Variants in TRDN observed in about 807,000 individuals in gnomAD.
TRDN encodes the protein triadin in skeletal muscle.
A neutral mutation model predicts 149.7 loss-of-function variants in TRDN; 161 were observed. The ratio of observed to expected loss-of-function variants is 1.08; its 90% CI spans 0.95 to 1.23. TRDN has a LOEUF of 1.23. TRDN is among the 50% of genes most tolerant of loss of function. The probability of loss-of-function intolerance (pLI) is 0.00; values close to 1 mark genes in which losing one functional copy is unlikely to be tolerated. For missense variants in TRDN, 896 were observed against 823.5 expected (o/e 1.09, Z -1.08); for synonymous variants, 294 against 250.5 (o/e 1.17, Z -1.64).
intron 24 of TRDN, among the ~76,000 whole-genome samples, chr6:123,299,579 C>G (rs891187830): frequency 2.6e-5 from 4 of 152,020 alleles, no homozygotes; most frequent in African/African-American, 9.7e-5. Flanking sequence ...CAGGTGCCCA[C>G]AAGAGGCTTC....
At chr6:123,294,756 TG>T (rs1242688826) in intron 24 of TRDN, among the ~76,000 whole-genome samples, 2 of 152,116 alleles carry the variant, frequency 1.3e-5, no homozygotes, top group African/African-American at 2.4e-5. Flanking sequence ...ATCCCTGTTT[TG>T]GGGACCCCTG....
In TRDN at chr6:123,393,604, T is replaced by G; in HGVS notation, c.1105+20A>C. On this transcript the variant is annotated intron_variant, in intron 13 of 40. Transcript: ENST00000334268. ...ATGTTTAAAAAAAGGCAATGCTTTT[T>G]AAAGTGTTTTATTGCTTACCTTGTG... 6.3e-7 allele frequency: 1 copy of G among 1,585,788 alleles called. No homozygotes were observed.
intron 24 of TRDN, among the ~76,000 whole-genome samples, chr6:123,302,790 G>C (rs1778474460): frequency 6.6e-6 from 1 of 151,994 alleles, no homozygotes; most frequent in Admixed American, 6.6e-5. Context: ...AAATGACTTA[G>C]GACTCTTGTT....
At chr6:123,358,398 C>T (rs1338984585) in intron 20 of TRDN, among the ~76,000 whole-genome samples, 1 of 152,078 alleles carries the variant, frequency 6.6e-6, no homozygotes, top group Non-Finnish European at 1.5e-5. Context: ...ATACAATTGA[C>T]ATCCCTCCCT....
At chr6:123,415,257 C>A (rs961049938) in intron 12 of TRDN, among the ~76,000 whole-genome samples, 21 of 152,182 alleles carry the variant, frequency 1.4e-4, no homozygotes, top group African/African-American at 4.3e-4. Context: ...CATGATTTGA[C>A]CTTTAGCTTA....
chr6:123,596,332 G>T (rs9375276), intron 1 of TRDN, among the ~76,000 whole-genome samples: 37,812 of 151,902 alleles, frequency 0.25, 4,923 homozygotes, highest in East Asian at 0.47. Context: ...GCAGAGGTTG[G>T]TTTATGAGAT....
chr6:123,216,731 T>C lies in TRDN; in HGVS notation c.*1870A>G, dbSNP rs1439891864. The C allele has an allele frequency of 2.0e-5, 3 of 151,916 alleles. No individual in the cohort carries two copies. Among genetic ancestry groups the C allele is most frequent in the African/African-American group, 4.8e-5 (2 of 41,410 alleles). 9.4% of individuals were successfully genotyped at this position (151,916 alleles called of 1,614,324 possible). ...CTCATGGAGAAACAAACATAGTATGTTTAGTAAATTTTTCAAGGTCATTCA... is the reference window on the plus strand; with the variant it reads ...CTCATGGAGAAACAAACATAGTATGCTTAGTAAATTTTTCAAGGTCATTCA... On this transcript the variant is annotated 3_prime_UTR_variant, in exon 41 of 41. Coordinates refer to ENST00000334268, the MANE Select transcript of TRDN (RefSeq NM_006073.4).
At chr6:123,516,318 T>C (rs1583175299) in intron 5 of TRDN, 112 bp from the exon 6 acceptor site, 1 of 1,223,554 alleles carries the variant, frequency 8.2e-7, no homozygotes, top group East Asian at 3.3e-5. Flanking sequence ...GAAATCTTTC[T>C]TTAACTGGAT....
intron 12 of TRDN, among the ~76,000 whole-genome samples, chr6:123,410,443 A>G (rs1245484500): frequency 6.6e-6 from 1 of 152,226 alleles, no homozygotes; most frequent in African/African-American, 2.4e-5. Context: ...AAAGTGATCA[A>G]CGAAGAAACA....
intron 30 of TRDN, among the ~76,000 whole-genome samples, chr6:123,270,843 A>G (rs1777182209): frequency 6.6e-6 from 1 of 152,044 alleles, no homozygotes; most frequent in African/African-American, 2.4e-5. Flanking sequence ...TAAACACCTA[A>G]GTATACATGG....
chr6:123,618,189 A>C (rs994936076), intron 1 of TRDN, among the ~76,000 whole-genome samples: 1 of 152,184 alleles, frequency 6.6e-6, no homozygotes, highest in African/African-American at 2.4e-5. Context: ...CAAATTTAAC[A>C]CAAATTTATC....
chr6:123,598,413 C>T (rs1784133953), intron 1 of TRDN, among the ~76,000 whole-genome samples: 1 of 151,970 alleles, frequency 6.6e-6, no homozygotes, highest in African/African-American at 2.4e-5. Context: ...ACAAAAAAAA[C>T]ATGAAGTATC....
At chr6:123,509,515 C>T (rs1174923159) in intron 7 of TRDN, 2 of 152,150 alleles carry the variant, frequency 1.3e-5, no homozygotes, top group Non-Finnish European at 2.9e-5. Flanking sequence ...CCATAGCCAA[C>T]AGCCAGCCAG....
chr6:123,284,868 A>C (rs752094166), intron 24 of TRDN, among the ~76,000 whole-genome samples: 12 of 152,132 alleles, frequency 7.9e-5, no homozygotes, highest in Non-Finnish European at 1.3e-4. Context: ...ATATACCAGC[A>C]GTGACCAAGC....
At chr6:123,333,184 G>T (rs1221799263) in intron 22 of TRDN, among the ~76,000 whole-genome samples, 1 of 152,048 alleles carries the variant, frequency 6.6e-6, no homozygotes, top group Non-Finnish European at 1.5e-5. Context: ...AAGGATTAAT[G>T]TGTTGTGAAA....
intron 24 of TRDN, among the ~76,000 whole-genome samples, chr6:123,309,028 C>A (rs978967426): frequency 1.3e-5 from 2 of 151,824 alleles, no homozygotes; most frequent in African/African-American, 4.8e-5. Context: ...TTTATGCAAC[C>A]TTTATGTTGC....
intron 12 of TRDN, among the ~76,000 whole-genome samples, chr6:123,416,895 G>A (rs1194834427): frequency 6.6e-6 from 1 of 152,050 alleles, no homozygotes; most frequent in Non-Finnish European, 1.5e-5. Flanking sequence ...TAGAGATGGG[G>A]CTTCACCATA....
intron 30 of TRDN, 51 bp downstream of exon 30, chr6:123,271,088 C>A: frequency 8.5e-7 from 1 of 1,177,934 alleles, no homozygotes; most frequent in Non-Finnish European, 1.2e-6. Flanking sequence ...TATGAGTGCA[C>A]CACATAACAT....
chr6:123,342,634 A>C (rs2114260730), intron 21 of TRDN, among the ~76,000 whole-genome samples: 1 of 152,126 alleles, frequency 6.6e-6, no homozygotes, highest in African/African-American at 2.4e-5. Flanking sequence ...TCTGAAGCTA[A>C]GAGATAAGTA....
Sources: allele counts gnomAD v4.1 joint callset (sites outside exome capture counted in the v4.1 genomes callset), GRCh38; gene constraint gnomAD v4.1.1; transcripts MANE v1.5; gene names NCBI Gene and HGNC (gene_info 2026-07-23, HGNC 2026-07-21).